The following ADCY2 variants were observed in gnomAD, a reference collection of about 807,000 sequenced individuals.
ADCY2 encodes the protein adenylate cyclase type 2.
A neutral mutation model predicts 125.2 loss-of-function variants in ADCY2; 31 were observed. The observed-to-expected ratio is 0.25, with a 90% CI of 0.19 to 0.33. The LOEUF is 0.33. Ranked by LOEUF, ADCY2 falls within the 10% of genes least tolerant of loss-of-function variation. ADCY2 has a pLI of 1.00. For synonymous variants in ADCY2, 512 were observed against 548.4 expected (o/e 0.93, Z 0.93); for missense variants, 904 against 1,418.2 (o/e 0.64, Z 5.82).
At chr5:7,590,106 C>T (rs1030986054) in intron 3 of ADCY2, among the ~76,000 whole-genome samples, 1 of 152,034 alleles carries the variant, frequency 6.6e-6, no homozygotes, top group Non-Finnish European at 1.5e-5. Context: ...AAATCAAAGC[C>T]GACAGGAGCT....
intron 2 of ADCY2, among the ~76,000 whole-genome samples, chr5:7,446,238 A>T (rs1168796258): frequency 6.6e-6 from 1 of 152,234 alleles, no homozygotes; most frequent in Non-Finnish European, 1.5e-5. Flanking sequence ...GTTTTTGGAA[A>T]TGAATTTCAT....
intron 2 of ADCY2, among the ~76,000 whole-genome samples, chr5:7,452,113 A>G (rs542076539): frequency 4.5e-4 from 69 of 152,186 alleles, no homozygotes; most frequent in African/African-American, 8.4e-4. Flanking sequence ...GAGTTTCACC[A>G]TGTTGGCCAG....
chr5:7,504,278 A>G (rs1476363602), intron 2 of ADCY2, among the ~76,000 whole-genome samples: 1 of 152,232 alleles, frequency 6.6e-6, no homozygotes, highest in African/African-American at 2.4e-5. Context: ...TAAATAAATA[A>G]AAATAAAATG....
intron 2 of ADCY2, among the ~76,000 whole-genome samples, chr5:7,512,931 G>A (rs1488040203): frequency 6.6e-6 from 1 of 152,150 alleles, no homozygotes; most frequent in Admixed American, 6.5e-5. Context: ...ATGAGGAGAT[G>A]TCAGACTGGA....
intron 3 of ADCY2, among the ~76,000 whole-genome samples, chr5:7,574,319 C>T (rs1028853378): frequency 2.6e-5 from 4 of 151,572 alleles, no homozygotes; most frequent in African/African-American, 7.3e-5. Flanking sequence ...AGTTCTAGAT[C>T]CTTGAGGAAT....
chr5:7,489,355 G>A (rs907066036), intron 2 of ADCY2, among the ~76,000 whole-genome samples: 1 of 152,134 alleles, frequency 6.6e-6, no homozygotes, highest in African/African-American at 2.4e-5. Flanking sequence ...GAGTGTTGCA[G>A]TTTCCCTGGT....
chr5:7,784,842 T>C (rs1744035622), intron 19 of ADCY2, among the ~76,000 whole-genome samples: 2 of 152,220 alleles, frequency 1.3e-5, no homozygotes, highest in Admixed American at 1.3e-4. Flanking sequence ...GCACACTTGT[T>C]TGAACTGGGC....
Position 7,784,386 on chromosome 5 carries a change from G to A in ADCY2, c.2406G>A (p.Leu802=). 1 of 1,613,962 alleles carries A rather than the reference G, an allele frequency of 6.2e-7. No individual in the cohort carries two copies. The highest frequency in any genetic ancestry group is 1.3e-5 in the African/African-American group (1 of 75,022). Reference sequence around the variant, plus strand: ...ATAGACCAGGCATTTGGAAAGACCTGAAGACCATGGGCTCTGTGTCTCTCT... The same window carrying A: ...ATAGACCAGGCATTTGGAAAGACCTAAAGACCATGGGCTCTGTGTCTCTCT... ...LFERPGIWKD[L]KTMGSVSLSI... The change falls in exon 19 of 25, where the codon CTG becomes CTA. Residue 802 remains leucine, a synonymous_variant. Transcript: ENST00000338316.
At chr5:7,616,236 G>C (rs184792647) in intron 3 of ADCY2, among the ~76,000 whole-genome samples, 1 of 152,260 alleles carries the variant, frequency 6.6e-6, no homozygotes, top group East Asian at 1.9e-4. Flanking sequence ...GTCAGAAGGA[G>C]TATAATAATG....
chr5:7,476,884 C>T (rs985305469), intron 2 of ADCY2, among the ~76,000 whole-genome samples: 2 of 152,152 alleles, frequency 1.3e-5, no homozygotes, highest in Non-Finnish European at 2.9e-5. Context: ...ACCATCTTTG[C>T]TTTTTGCAAC....
At chr5:7,789,568 T>C in intron 19 of ADCY2, 74 bp from the exon 20 acceptor site, 1 of 1,445,616 alleles carries the variant, frequency 6.9e-7, no homozygotes, top group Non-Finnish European at 9.4e-7. Context: ...CTTTTTGTTT[T>C]CTCTTTAAAA....
At chr5:7,523,043 A>G (rs1464595308) in intron 3 of ADCY2, among the ~76,000 whole-genome samples, 1 of 152,100 alleles carries the variant, frequency 6.6e-6, no homozygotes, top group African/African-American at 2.4e-5. Flanking sequence ...CAGCACCTTC[A>G]CTATTTGGGG....
At chr5:7,823,103 G>A (rs1036707634) in intron 24 of ADCY2, among the ~76,000 whole-genome samples, 15 of 152,090 alleles carry the variant, frequency 9.9e-5, no homozygotes, top group African/African-American at 3.4e-4. Context: ...CATTCCTTTG[G>A]TCTTTCTAAA....
intron 2 of ADCY2, among the ~76,000 whole-genome samples, chr5:7,427,737 AT>A (rs1169639264): frequency 6.6e-6 from 1 of 152,184 alleles, no homozygotes; most frequent in Non-Finnish European, 1.5e-5. Context: ...CCTTTGGCAT[AT>A]CTTTGTTTTG....
intron 4 of ADCY2, among the ~76,000 whole-genome samples, chr5:7,679,921 G>A (rs766094530): frequency 1.3e-4 from 20 of 152,088 alleles, no homozygotes; most frequent in East Asian, 3.9e-4. Flanking sequence ...CTTAGTGCTC[G>A]GTATAGCCAA....
At chr5:7,645,908 A>G (rs535969896) in intron 4 of ADCY2, among the ~76,000 whole-genome samples, 1 of 152,362 alleles carries the variant, frequency 6.6e-6, no homozygotes, top group South Asian at 2.1e-4. Context: ...TCAAAAAACA[A>G]TAAAGCAAAC....
chr5:7,730,121 G>A (rs1048095180), intron 14 of ADCY2, among the ~76,000 whole-genome samples: 1 of 152,102 alleles, frequency 6.6e-6, no homozygotes, highest in African/African-American at 2.4e-5. Flanking sequence ...ATTTATAAGT[G>A]AGAACATACA....
chr5:7,548,175 T>G (rs1388181639), intron 3 of ADCY2, among the ~76,000 whole-genome samples: 1 of 152,222 alleles, frequency 6.6e-6, no homozygotes, highest in African/African-American at 2.4e-5. Flanking sequence ...GTCTGGGAAG[T>G]GCAAATATTA....
At chr5:7,683,088 A>G (rs2126716470) in intron 4 of ADCY2, among the ~76,000 whole-genome samples, 1 of 152,342 alleles carries the variant, frequency 6.6e-6, no homozygotes, top group Non-Finnish European at 1.5e-5. Flanking sequence ...CAAGGCAGAC[A>G]AGTGGGGGTT....
Sources: gnomAD v4.1 joint callset for allele counts (sites outside exome capture counted in the v4.1 genomes callset) on GRCh38, gnomAD v4.1.1 for gene constraint, MANE v1.5 for transcripts, NCBI Gene and HGNC (gene_info 2026-07-23, HGNC 2026-07-21) for gene names.